WWOX: variants seen among roughly 807,000 people sequenced by gnomAD.
The protein encoded by WWOX is WW domain-containing oxidoreductase.
In WWOX, 69 loss-of-function variants were observed where a neutral mutation model predicts 46.2. The ratio of observed to expected loss-of-function variants is 1.49; its 90% CI spans 1.23 to 1.82. The LOEUF (loss-of-function observed/expected upper bound fraction) is 1.82, where lower values mean the gene tolerates loss of function less well. WWOX is among the 40% of genes most tolerant of loss of function. WWOX has a pLI of 0.00. For missense variants in WWOX, 919 were observed against 542.6 expected (o/e 1.69, Z -6.89); for synonymous variants, 359 against 202.6 (o/e 1.77, Z -6.56).
chr16:78,170,475 C>G (rs1394857556), intron 5 of WWOX, among the ~76,000 whole-genome samples: 2 of 152,186 alleles, frequency 1.3e-5, no homozygotes, highest in African/African-American at 4.8e-5. Flanking sequence ...CATGAAAGTG[C>G]AAAGTGATGC....
chr16:79,031,900 CTATA>C (rs72394888), intron 8 of WWOX, among the ~76,000 whole-genome samples: 8 of 65,906 alleles, frequency 1.2e-4, no homozygotes, highest in East Asian at 5.6e-4. Context: ...ATACAGATAT[CTATA>C]TATATAGATA....
At chr16:78,149,283 TG>T (rs1226013956) in intron 4 of WWOX, among the ~76,000 whole-genome samples, 3 of 152,146 alleles carry the variant, frequency 2.0e-5, no homozygotes, top group African/African-American at 7.2e-5. Context: ...TTTTACTGGT[TG>T]GAAGTATAGA....
At chr16:78,620,516 C>G (rs547319525) in intron 8 of WWOX, among the ~76,000 whole-genome samples, 1 of 152,240 alleles carries the variant, frequency 6.6e-6, no homozygotes, top group East Asian at 1.9e-4. Flanking sequence ...TGTACCCTCT[C>G]CAGACTAGAC....
intron 5 of WWOX, among the ~76,000 whole-genome samples, chr16:78,332,611 A>AT (rs1462138927): frequency 6.6e-6 from 1 of 152,132 alleles, no homozygotes; most frequent in African/African-American, 2.4e-5. Context: ...AGGTAAACTG[A>AT]TTTTTTGGGT....
rs147545630 is a variant in WWOX, at chr16:79,013,283, C to T, written c.1057-198325C>T. ...CTTGCCTTTAAAAATAAAATGCATA[C>T]GCCTGTCCTCATGCGCTCTGATCTG... On this transcript the variant is annotated intron_variant, in intron 8 of 8. Coordinates refer to ENST00000566780, the MANE Select transcript of WWOX (RefSeq NM_016373.4). Among the ~76,000 whole-genome samples the T allele has an allele frequency of 5.3e-4, 80 of 152,178 alleles. No individual in the cohort carries two copies. The East Asian group carries it at 8.9e-3, about 17-fold the overall frequency.
chr16:78,919,448 C>G (rs1485765447), intron 8 of WWOX, among the ~76,000 whole-genome samples: 1 of 151,966 alleles, frequency 6.6e-6, no homozygotes, highest in Non-Finnish European at 1.5e-5. Flanking sequence ...ACTTAGAATG[C>G]CATCACTACC....
intron 8 of WWOX, among the ~76,000 whole-genome samples, chr16:78,600,830 G>C (rs1471491224): frequency 2.6e-5 from 4 of 152,158 alleles, no homozygotes; most frequent in Non-Finnish European, 4.4e-5. Context: ...AATGGACTCA[G>C]ATGTCACTGT....
At chr16:78,966,644 G>C (rs2046367887) in intron 8 of WWOX, among the ~76,000 whole-genome samples, 1 of 152,038 alleles carries the variant, frequency 6.6e-6, no homozygotes, top group Non-Finnish European at 1.5e-5. Context: ...ATAATATTGA[G>C]CTATTTCTTA....
intron 8 of WWOX, among the ~76,000 whole-genome samples, chr16:78,569,516 G>C (rs2044660896): frequency 6.6e-6 from 1 of 152,090 alleles, no homozygotes; most frequent in Non-Finnish European, 1.5e-5. Context: ...AATTTTATCG[G>C]CTCCTTTTTG....
chr16:79,105,051 A>T (rs140297083), intron 8 of WWOX, among the ~76,000 whole-genome samples: 3 of 152,036 alleles, frequency 2.0e-5, no homozygotes, highest in Non-Finnish European at 2.9e-5. Flanking sequence ...TCAGTTTACA[A>T]AAGTGGAAAA....
intron 8 of WWOX, among the ~76,000 whole-genome samples, chr16:78,584,838 C>G (rs2045154360): frequency 6.6e-6 from 1 of 152,200 alleles, no homozygotes; most frequent in African/African-American, 2.4e-5. Flanking sequence ...AAGCTATATG[C>G]TTAATATTTG....
chr16:78,495,195 C>T (rs1462856479), intron 8 of WWOX, among the ~76,000 whole-genome samples: 18 of 125,052 alleles, frequency 1.4e-4, no homozygotes, highest in Middle Eastern at 8.3e-3. Flanking sequence ...GGTTGCAGTG[C>T]GGTGGCATGA....
intron 5 of WWOX, among the ~76,000 whole-genome samples, chr16:78,293,927 A>ATGTCATATC (rs1271480958): frequency 1.6e-5 from 2 of 124,160 alleles, no homozygotes; most frequent in African/African-American, 6.0e-5. Flanking sequence ...CAGTGAGCCG[A>ATGTCATATC]TGTCATATCA....
chr16:78,310,554 G>T (rs1247188078), intron 5 of WWOX, among the ~76,000 whole-genome samples: 2 of 152,166 alleles, frequency 1.3e-5, no homozygotes, highest in Non-Finnish European at 2.9e-5. Flanking sequence ...AGACTTAGTG[G>T]TCACCAGAAT....
intron 8 of WWOX, among the ~76,000 whole-genome samples, chr16:79,053,867 C>T (rs1354731053): frequency 6.6e-6 from 1 of 152,102 alleles, no homozygotes; most frequent in Non-Finnish European, 1.5e-5. Context: ...AGCCCGAAAA[C>T]TCCAGTAAGC....
At chr16:79,116,514 C>G (rs1366354877) in intron 8 of WWOX, among the ~76,000 whole-genome samples, 1 of 152,156 alleles carries the variant, frequency 6.6e-6, no homozygotes. Flanking sequence ...TGCAAGAAAT[C>G]ACTTTCTTTG....
At chr16:78,628,934 T>C (rs2046369020) in intron 8 of WWOX, among the ~76,000 whole-genome samples, 1 of 152,146 alleles carries the variant, frequency 6.6e-6, no homozygotes, top group South Asian at 2.1e-4. Context: ...GAGGCATATT[T>C]AGGAGATGTT....
intron 8 of WWOX, among the ~76,000 whole-genome samples, chr16:78,926,895 C>G (rs951702862): frequency 6.6e-6 from 1 of 152,144 alleles, no homozygotes; most frequent in Non-Finnish European, 1.5e-5. Flanking sequence ...TTCCTGGGCT[C>G]AAGTGATCCT....
intron 8 of WWOX, among the ~76,000 whole-genome samples, chr16:79,049,085 G>T (rs1028284192): frequency 2.6e-5 from 4 of 152,186 alleles, no homozygotes; most frequent in African/African-American, 9.6e-5. Context: ...ATACTTTAGT[G>T]CAGTGGTCAG....
Sources: gnomAD v4.1 joint callset for allele counts (sites outside exome capture counted in the v4.1 genomes callset) on GRCh38, gnomAD v4.1.1 for gene constraint, MANE v1.5 for transcripts, NCBI Gene and HGNC (gene_info 2026-07-23, HGNC 2026-07-21) for gene names.